Variants in ITSN1 observed in about 807,000 individuals in gnomAD.
ITSN1 encodes intersectin 1, also known as intersectin-1.
Under a neutral mutation model 239.8 loss-of-function variants are expected in ITSN1, and 58 were observed. The ratio of observed to expected loss-of-function variants is 0.24; its 90% confidence interval spans 0.20 to 0.30. The LOEUF (loss-of-function observed/expected upper bound fraction) is 0.30, where lower values mean the gene tolerates loss of function less well. Among genes scored for constraint, ITSN1 ranks in the 10% least tolerant of loss-of-function variants. ITSN1 has a pLI of 1.00. For missense variants in ITSN1, 1,558 were observed against 2,103.3 expected, an observed-to-expected ratio of 0.74 and a Z score of 5.07; for synonymous variants, 780 against 770.8, an observed-to-expected ratio of 1.01 and a Z score of -0.20.
chr21:33,784,573 G>A (rs748225140), intron 16 of ITSN1, among the ~76,000 whole-genome samples: 3 of 152,096 alleles, frequency 2.0e-5, no homozygotes, highest in Non-Finnish European at 2.9e-5. Flanking sequence ...TATTTAACAC[G>A]CATTTGGAGG....
intron 33 of ITSN1, 76 bp downstream of exon 33, chr21:33,867,407 T>C (rs1981791522): frequency 1.2e-6 from 1 of 832,946 alleles, no homozygotes; most frequent in Non-Finnish European, 2.1e-6. Context: ...ATGGACAAGA[T>C]TCCCAGTGAA....
At chr21:33,650,862 C>A (rs1368276548) in intron 1 of ITSN1, among the ~76,000 whole-genome samples, 3 of 152,212 alleles carry the variant, frequency 2.0e-5, no homozygotes, top group African/African-American at 7.2e-5. Flanking sequence ...ATATTAAAGT[C>A]ATTAAATGAG....
intron 34 of ITSN1, among the ~76,000 whole-genome samples, chr21:33,879,441 G>A: frequency 6.6e-6 from 1 of 152,226 alleles, no homozygotes; most frequent in East Asian, 1.9e-4. Context: ...GCAGAGGAAT[G>A]ATGGGCCACA....
intron 33 of ITSN1, among the ~76,000 whole-genome samples, chr21:33,869,441 G>C (rs960903572): frequency 1.3e-5 from 2 of 152,200 alleles, no homozygotes; most frequent in Non-Finnish European, 2.9e-5. Flanking sequence ...TCTCCACCTG[G>C]TCTCTCCCAC....
chr21:33,745,505 T>C (rs987680574), intron 5 of ITSN1, among the ~76,000 whole-genome samples: 1 of 152,184 alleles, frequency 6.6e-6, no homozygotes, highest in Non-Finnish European at 1.5e-5. Context: ...CATCTGAGAA[T>C]CATTTATGCC....
At chr21:33,834,518 C>T in intron 28 of ITSN1, 94 bp downstream of exon 28, 1 of 895,942 alleles carries the variant, frequency 1.1e-6, no homozygotes, top group South Asian at 1.5e-5. Flanking sequence ...GGTTGTTTTT[C>T]ACATGTGCTT....
Position 33,697,735 on chromosome 21 carries a change from A to G in ITSN1, c.-32-21062A>G, listed in dbSNP as rs531880331. The stretch of plus-strand genomic sequence containing the variant: ...GAGTTATATTTTTTTTCCAGGAAGT[A>G]CTTTTTTAGCTTTCAGGAACTTGAT... On this transcript the variant is annotated intron_variant, in intron 1 of 39. Coordinates refer to ENST00000381318, the MANE Select transcript of ITSN1 (RefSeq NM_003024.3). 2.6e-5 allele frequency among the ~76,000 whole-genome samples: 4 copies of G among 152,198 alleles called. No homozygotes were observed. The East Asian group carries it at 7.7e-4, about 29-fold the overall frequency.
chr21:33,729,489 G>A (rs1446167448), intron 4 of ITSN1, among the ~76,000 whole-genome samples: 1 of 151,720 alleles, frequency 6.6e-6, no homozygotes, highest in Non-Finnish European at 1.5e-5. Context: ...AACCTAGTAA[G>A]TAGTGTAAAC....
chr21:33,866,530 G>A (rs191887698), intron 32 of ITSN1, among the ~76,000 whole-genome samples: 3 of 151,856 alleles, frequency 2.0e-5, no homozygotes, highest in African/African-American at 7.2e-5. Flanking sequence ...TCCTCTCAGT[G>A]GGAATGTGGC....
chr21:33,778,987 C>G (rs887420805), intron 14 of ITSN1, among the ~76,000 whole-genome samples: 17 of 152,090 alleles, frequency 1.1e-4, no homozygotes, highest in South Asian at 1.0e-3. Flanking sequence ...GTGCTTCCTT[C>G]TCCTTTTCCT....
chr21:33,805,430 A>G lies in ITSN1; in HGVS notation c.2319+2986A>G, dbSNP rs529952367. Among the ~76,000 whole-genome samples, 12 of 152,324 alleles carry G rather than the reference A, an allele frequency of 7.9e-5. No individual in the cohort carries two copies. The East Asian group carries it at 2.3e-3, about 29-fold the overall frequency. On this transcript the variant is annotated intron_variant, in intron 20 of 39. Coordinates refer to ENST00000381318, the MANE Select transcript of ITSN1 (RefSeq NM_003024.3). ...GATTTCCATAGATTAAACATCAGAAAGTATCTCATTTAGTAACAACTGGCC... is the reference window on the plus strand; with the variant it reads ...GATTTCCATAGATTAAACATCAGAAGGTATCTCATTTAGTAACAACTGGCC...
At chr21:33,862,007 A>AT (rs1980669042) in intron 31 of ITSN1, among the ~76,000 whole-genome samples, 5 of 147,386 alleles carry the variant, frequency 3.4e-5, no homozygotes, top group Non-Finnish European at 7.5e-5. Context: ...AAAAAAAAAA[A>AT]AAAAAAAGAG....
At chr21:33,877,128 C>A (rs1260357107) in intron 34 of ITSN1, among the ~76,000 whole-genome samples, 1 of 132,030 alleles carries the variant, frequency 7.6e-6, no homozygotes. Flanking sequence ...ATCTCGGCTC[C>A]CCGCAACCTC....
At chr21:33,756,683 G>T (rs1182758701) in intron 8 of ITSN1, 1 of 152,122 alleles carries the variant, frequency 6.6e-6, no homozygotes, top group Middle Eastern at 3.2e-3. Context: ...GTTTGAATGG[G>T]TGAATAGTAA....
chr21:33,842,027 A>G (rs2074840827), intron 29 of ITSN1, among the ~76,000 whole-genome samples: 1 of 146,810 alleles, frequency 6.8e-6, no homozygotes, highest in Non-Finnish European at 1.5e-5. Context: ...CAGCCTCCCC[A>G]GTAGCTGGGA....
chr21:33,702,514 A>G (rs936723401), intron 1 of ITSN1, among the ~76,000 whole-genome samples: 1 of 152,256 alleles, frequency 6.6e-6, no homozygotes, highest in African/African-American at 2.4e-5. Flanking sequence ...ATTATTTGAT[A>G]TAAAGTTAAG....
intron 17 of ITSN1, among the ~76,000 whole-genome samples, 183 bp downstream of exon 17, chr21:33,794,651 G>A (rs2071396722): frequency 6.6e-6 from 1 of 152,194 alleles, no homozygotes; most frequent in South Asian, 2.1e-4. Flanking sequence ...AGTACCCTCT[G>A]AAGTTTTTGG....
chr21:33,806,124 T>C (rs921799622), intron 20 of ITSN1, among the ~76,000 whole-genome samples: 2 of 149,568 alleles, frequency 1.3e-5, no homozygotes, highest in Admixed American at 1.3e-4. Flanking sequence ...GGCAGGAGAA[T>C]GGCATGAACC....
chr21:33,752,796 A>T (rs1397959733), intron 7 of ITSN1, among the ~76,000 whole-genome samples: 1 of 149,572 alleles, frequency 6.7e-6, no homozygotes, highest in Non-Finnish European at 1.5e-5. Flanking sequence ...TGATTGTGCC[A>T]CTGCACTCTT....
Sources: gnomAD v4.1 joint callset for allele counts (sites outside exome capture counted in the v4.1 genomes callset) on GRCh38, gnomAD v4.1.1 for gene constraint, MANE v1.5 for transcripts, NCBI Gene and HGNC (gene_info 2026-07-23, HGNC 2026-07-21) for gene names.